The following PAH variants were observed in gnomAD, a reference collection of about 807,000 sequenced individuals.
The protein encoded by PAH is phenylalanine hydroxylase, also known as phenylalanine-4-hydroxylase.
Under a neutral mutation model 62.0 loss-of-function variants are expected in PAH, and 64 were observed. That is an observed-to-expected ratio of 1.03 (90% CI 0.84 to 1.27). The LOEUF is 1.27. Among genes scored for constraint, PAH ranks in the 50% most tolerant of loss-of-function variants. The pLI is 0.00. For missense variants in PAH, 579 were observed against 542.8 expected, an observed-to-expected ratio of 1.07 and a Z score of -0.66; for synonymous variants, 195 against 196.2, an observed-to-expected ratio of 0.99 and a Z score of 0.05.
intron 4 of PAH, among the ~76,000 whole-genome samples, chr12:102,869,693 C>A (rs1158896739): frequency 6.6e-6 from 1 of 152,178 alleles, no homozygotes; most frequent in Non-Finnish European, 1.5e-5. Context: ...GGGCCCCAAC[C>A]AACCAGGTTG....
At chr12:102,844,024 T>A (rs1422026516) in intron 10 of PAH, among the ~76,000 whole-genome samples, 1 of 152,120 alleles carries the variant, frequency 6.6e-6, no homozygotes, top group African/African-American at 2.4e-5. Context: ...AGGTGGTCAA[T>A]AGATGACGTG....
chr12:102,858,382 G>A (rs989682983), intron 5 of PAH, among the ~76,000 whole-genome samples: 12 of 152,052 alleles, frequency 7.9e-5, no homozygotes, highest in African/African-American at 2.4e-4. Context: ...TAATGAGAGC[G>A]TTTAACACCC....
chr12:102,918,065 G>T (rs889357686), upstream of PAH, among the ~76,000 whole-genome samples: 2 of 152,122 alleles, frequency 1.3e-5, no homozygotes, highest in Non-Finnish European at 2.9e-5. Context: ...CTGCCATTCT[G>T]GTGGGCAGAA....
intron 5 of PAH, among the ~76,000 whole-genome samples, chr12:102,862,688 G>A (rs1875781066): frequency 3.3e-5 from 5 of 152,156 alleles, no homozygotes; most frequent in Admixed American, 6.6e-5. Context: ...CTAGGCTGCA[G>A]GCCTATTTCT....
chr12:102,853,356 TCCCAGAAGGG>T, intron 6 of PAH: 1 of 323,654 alleles, frequency 3.1e-6, no homozygotes, highest in Non-Finnish European at 6.0e-6. Context: ...GAACCTCATT[TCCCAGAAGGG>T]AAGAGTATGG....
At chr12:102,889,019 G>C (rs1489167431) in intron 3 of PAH, among the ~76,000 whole-genome samples, 1 of 152,036 alleles carries the variant, frequency 6.6e-6, no homozygotes, top group Non-Finnish European at 1.5e-5. Context: ...AGAGAGGAAA[G>C]AAAAGTGCAG....
chr12:102,892,327 C>T (rs1877311013), intron 3 of PAH, among the ~76,000 whole-genome samples: 1 of 152,158 alleles, frequency 6.6e-6, no homozygotes, highest in Admixed American at 6.5e-5. Flanking sequence ...GGTGCCTGAA[C>T]TCCTCTTGAC....
intron 2 of PAH, among the ~76,000 whole-genome samples, chr12:102,899,254 T>C (rs1877637311): frequency 6.6e-6 from 1 of 152,036 alleles, no homozygotes; most frequent in Non-Finnish European, 1.5e-5. Flanking sequence ...TGGACACACC[T>C]CTGGCACGCT....
chr12:102,923,405 G>A (rs1263069862), intron 1 of PAH, among the ~76,000 whole-genome samples: 3 of 152,160 alleles, frequency 2.0e-5, no homozygotes, highest in Non-Finnish European at 4.4e-5. Context: ...AATGGATATA[G>A]CACAGGGTAC....
At chr12:102,853,089 G>T in intron 6 of PAH, 139 bp from the exon 7 acceptor site, 1 of 888,736 alleles carries the variant, frequency 1.1e-6, no homozygotes, top group Non-Finnish European at 1.8e-6. Context: ...GGCTTCAGAT[G>T]TCTGCCTCGC....
At chr12:102,872,739 G>A (rs1298763477) in intron 4 of PAH, among the ~76,000 whole-genome samples, 1 of 152,094 alleles carries the variant, frequency 6.6e-6, no homozygotes. Flanking sequence ...AGGCTGAGGC[G>A]AGCGGATCAC....
chr12:102,883,711 A>G (rs1876915518), intron 3 of PAH, among the ~76,000 whole-genome samples: 1 of 152,182 alleles, frequency 6.6e-6, no homozygotes, highest in Non-Finnish European at 1.5e-5. Flanking sequence ...ACCTGAGTCC[A>G]GGGGCCTTTG....
intron 5 of PAH, among the ~76,000 whole-genome samples, chr12:102,861,823 C>T (rs1400411514): frequency 1.3e-5 from 2 of 151,870 alleles, no homozygotes; most frequent in Non-Finnish European, 2.9e-5. Flanking sequence ...ACACACGGGC[C>T]TGTTGTGGGG....
chr12:102,853,771 T>C (rs890976109), intron 6 of PAH, among the ~76,000 whole-genome samples: 6 of 152,226 alleles, frequency 3.9e-5, no homozygotes, highest in Admixed American at 3.3e-4. Context: ...ATGGTAATAA[T>C]AGCTAACACT....
chr12:102,922,226 G>A (rs181552117), upstream of PAH, among the ~76,000 whole-genome samples: 187 of 128,678 alleles, frequency 1.5e-3, 4 homozygotes, highest in South Asian at 0.037. Context: ...ATGAAGTCTC[G>A]CTCTGTTGCC....
chr12:102,887,709 G>A (rs1192993752), intron 3 of PAH, among the ~76,000 whole-genome samples: 1 of 152,112 alleles, frequency 6.6e-6, no homozygotes, highest in Admixed American at 6.5e-5. Context: ...GGGAGAGTGG[G>A]TCTTTGCTCC....
chr12:102,859,065 G>T (rs1875587083), intron 5 of PAH, among the ~76,000 whole-genome samples: 1 of 152,026 alleles, frequency 6.6e-6, no homozygotes, highest in Non-Finnish European at 1.5e-5. Flanking sequence ...CGACAAAATT[G>T]ATAGACTGCT....
At chr12:102,854,889 GAC>G in intron 6 of PAH, 1 of 566,868 alleles carries the variant, frequency 1.8e-6, no homozygotes, top group Non-Finnish European at 3.2e-6. Context: ...ACTTTTCAGG[GAC>G]AGGTACACGG....
At chr12:102,872,431 T>C (rs1231246806) in intron 4 of PAH, among the ~76,000 whole-genome samples, 1 of 152,228 alleles carries the variant, frequency 6.6e-6, no homozygotes. Context: ...TTTTAACTTT[T>C]CACAAATTAT....
Sources: gnomAD v4.1 joint callset for allele counts (sites outside exome capture counted in the v4.1 genomes callset) on GRCh38, gnomAD v4.1.1 for gene constraint, MANE v1.5 for transcripts, NCBI Gene and HGNC (gene_info 2026-07-23, HGNC 2026-07-21) for gene names.